The following PRKN variants were observed in gnomAD, a reference collection of about 807,000 sequenced individuals.
PRKN encodes the protein parkin RBR E3 ubiquitin protein ligase, also known as E3 ubiquitin-protein ligase parkin.
PRKN carries 56 observed loss-of-function variants against 59.5 expected under a neutral mutation model. The observed-to-expected ratio is 0.94, with a 90% CI of 0.76 to 1.18. PRKN has a LOEUF of 1.18. Ranked by LOEUF, PRKN falls within the 50% of genes most tolerant of loss-of-function variation. PRKN has a pLI of 0.00. For synonymous variants in PRKN, 250 were observed against 222.1 expected (o/e 1.13, Z -1.12); for missense variants, 657 against 596.4 (o/e 1.10, Z -1.06).
At chr6:162,179,965 T>TGTGTGTGTGTGTGTGTGTGTG (rs1562562890) in intron 4 of PRKN, among the ~76,000 whole-genome samples, 1 of 128,524 alleles carries the variant, frequency 7.8e-6, no homozygotes, top group Non-Finnish European at 1.6e-5. Context: ...TGTTATCTTA[T>TGTGTGTGTGTGTGTGTGTGTG]TACTGTGTGT....
rs1057040954 is a variant in PRKN at position 161,353,457 on chromosome 6, C to A, written c.1286-3246G>T. ...TCAACACGGCTGTCCATGCTTCCAT[C>A]GTGCCTATCCCAGGAAGTCTCCATA... On this transcript the variant is annotated intron_variant, in intron 11 of 11. Coordinates refer to ENST00000366898, the MANE Select transcript of PRKN (RefSeq NM_004562.3). The surrounding 1 kb of genome is among the most constrained non-coding windows in gnomAD (Gnocchi z 4.8). 6.6e-6 allele frequency among the ~76,000 whole-genome samples: 1 copy of A among 152,118 alleles called. No homozygotes were observed. The highest frequency in any genetic ancestry group is 2.4e-5 in the African/African-American group (1 of 41,444).
chr6:162,640,856 T>G lies in PRKN; in HGVS notation c.7+86806A>C, dbSNP rs145121880. 1.8e-3 allele frequency among the ~76,000 whole-genome samples: 277 copies of G among 152,316 alleles called. 1 individual carries two copies. Among genetic ancestry groups the G allele is most frequent in the African/African-American group, 6.4e-3 (265 of 41,570 alleles). ...TTTGCTAAAGGTATAAACTCTAGCC[T>G]GAAGCTTATAGCAAAGTCACCAGGC... On this transcript the variant is annotated intron_variant, in intron 1 of 11. Transcript: ENST00000366898.
intron 9 of PRKN, among the ~76,000 whole-genome samples, chr6:161,469,393 T>C (rs974964533): frequency 2.6e-5 from 4 of 152,214 alleles, no homozygotes; most frequent in Non-Finnish European, 5.9e-5. Flanking sequence ...TAAACCTCTT[T>C]TCTTTATAAA....
At chr6:161,944,557 C>G (rs1195097492) in intron 6 of PRKN, among the ~76,000 whole-genome samples, 4 of 152,274 alleles carry the variant, frequency 2.6e-5, no homozygotes, top group East Asian at 1.9e-4. Context: ...AGTCCCAGAA[C>G]CTGGTATTGT....
intron 6 of PRKN, among the ~76,000 whole-genome samples, chr6:161,919,136 A>T (rs1296709913): frequency 6.6e-6 from 1 of 152,228 alleles, no homozygotes; most frequent in East Asian, 1.9e-4. Flanking sequence ...CTACTGGTGA[A>T]TGGATAAACA....
chr6:161,874,033 A>ATG (rs1794472136), intron 6 of PRKN, among the ~76,000 whole-genome samples: 1 of 60,712 alleles, frequency 1.6e-5, no homozygotes, highest in African/African-American at 5.1e-5. Context: ...AAATATATAT[A>ATG]AAATATATAT....
At chr6:161,899,538 G>A (rs777708662) in intron 6 of PRKN, among the ~76,000 whole-genome samples, 1 of 152,144 alleles carries the variant, frequency 6.6e-6, no homozygotes, top group Non-Finnish European at 1.5e-5. Flanking sequence ...TGAGGGGAAT[G>A]TTTATTTTCT....
At chr6:162,332,034 C>G (rs901871386) in intron 2 of PRKN, among the ~76,000 whole-genome samples, 29 of 152,072 alleles carry the variant, frequency 1.9e-4, no homozygotes, top group Admixed American at 1.1e-3. Context: ...AAATGTCACC[C>G]CTACTCTTCC....
chr6:161,555,146 T>C (rs1780187235), intron 8 of PRKN, among the ~76,000 whole-genome samples: 1 of 152,204 alleles, frequency 6.6e-6, no homozygotes, highest in African/African-American at 2.4e-5. Flanking sequence ...TTTTTAATTT[T>C]CTTATTTGTG....
At chr6:161,476,141 C>G (rs1379376508) in intron 9 of PRKN, among the ~76,000 whole-genome samples, 1 of 151,158 alleles carries the variant, frequency 6.6e-6, no homozygotes, top group Non-Finnish European at 1.5e-5. Flanking sequence ...GAGCCGAGAT[C>G]GCGCCACTGT....
At chr6:162,390,627 C>T (rs1345582519) in intron 2 of PRKN, among the ~76,000 whole-genome samples, 1 of 151,662 alleles carries the variant, frequency 6.6e-6, no homozygotes, top group Non-Finnish European at 1.5e-5. Flanking sequence ...TTTTTTAGTA[C>T]AGTCGGGGTT....
At chr6:161,557,442 G>A (rs932097217) in intron 8 of PRKN, among the ~76,000 whole-genome samples, 14 of 152,288 alleles carry the variant, frequency 9.2e-5, no homozygotes, top group Middle Eastern at 3.4e-3. Flanking sequence ...ACGGTTGCAC[G>A]TTCAAGCCCC....
chr6:161,959,018 C>T (rs1780283790), intron 6 of PRKN, among the ~76,000 whole-genome samples: 1 of 152,200 alleles, frequency 6.6e-6, no homozygotes, highest in Admixed American at 6.5e-5. Flanking sequence ...GTTCCCTTTG[C>T]ATTACAGCAG....
intron 4 of PRKN, among the ~76,000 whole-genome samples, chr6:162,183,895 G>C (rs57659167): frequency 0.01 from 1,569 of 152,192 alleles, 30 homozygotes; most frequent in African/African-American, 0.035. Context: ...AATCCAAACA[G>C]GTGCACCTGA....
chr6:161,598,212 G>A (rs929382484), intron 7 of PRKN, among the ~76,000 whole-genome samples: 1 of 152,146 alleles, frequency 6.6e-6, no homozygotes, highest in African/African-American at 2.4e-5. Context: ...AGTGCTCTGG[G>A]TGAAAGAAAC....
rs1780077004 is a variant in PRKN at position 161,552,729 on chromosome 6, A to G, written c.934-3726T>C. On this transcript the variant is annotated intron_variant, in intron 8 of 11. Coordinates refer to ENST00000366898, the MANE Select transcript of PRKN (RefSeq NM_004562.3). The surrounding 1 kb of genome is among the most constrained non-coding windows in gnomAD (Gnocchi z 4.9). ...CAGGTCCGCCTGAAGCCCTCCATGT[A>G]TCTATTCTCATCACAACACCTTCAC... 6.6e-6 allele frequency among the ~76,000 whole-genome samples: 1 copy of G among 151,456 alleles called. No individual in the cohort carries two copies. Among genetic ancestry groups the G allele is most frequent in the Non-Finnish European group, 1.5e-5 (1 of 67,932 alleles).
intron 4 of PRKN, among the ~76,000 whole-genome samples, chr6:162,129,111 T>C (rs1210891716): frequency 6.6e-6 from 1 of 152,216 alleles, no homozygotes; most frequent in Non-Finnish European, 1.5e-5. Context: ...CTAATGAATG[T>C]GAAACCACAG....
chr6:162,165,354 G>A (rs1192817041), intron 4 of PRKN, among the ~76,000 whole-genome samples: 1 of 149,066 alleles, frequency 6.7e-6, no homozygotes, highest in Non-Finnish European at 1.5e-5. Context: ...TAAAAAATAT[G>A]AAGAAAATGA....
chr6:161,440,117 A>AT lies in PRKN; in HGVS notation c.1084-53241dup, dbSNP rs1027165574. ...AGGCGCCCACCACCACGCCCGGCTA[A>AT]TTTTTTTTGGTATTTTTAGTAGAGA... On this transcript the variant is annotated intron_variant, in intron 9 of 11. Transcript: ENST00000366898. The surrounding 1 kb of genome is among the most constrained non-coding windows in gnomAD (Gnocchi z 4.1). Among the ~76,000 whole-genome samples the AT allele has an allele frequency of 8.6e-5, 13 of 151,310 alleles. No homozygotes were observed. Among genetic ancestry groups the AT allele is most frequent in the South Asian group, 2.1e-4 (1 of 4,782 alleles).
Sources: gnomAD v4.1 joint callset for allele counts (sites outside exome capture counted in the v4.1 genomes callset) on GRCh38, gnomAD v4.1.1 for gene constraint, Gnocchi (gnomAD v3.1) non-coding constraint, MANE v1.5 for transcripts, NCBI Gene and HGNC (gene_info 2026-07-23, HGNC 2026-07-21) for gene names.